The following METTL16 variants were observed in gnomAD, a reference collection of about 807,000 sequenced individuals.
METTL16 encodes the protein methyltransferase 16, RNA N6-adenosine, also known as RNA N(6)-adenosine-methyltransferase METTL16.
METTL16 carries 19 observed loss-of-function variants against 57.9 expected under a neutral mutation model. That is an observed-to-expected ratio of 0.33 (90% CI 0.23 to 0.48). METTL16 has a LOEUF of 0.48. Among genes scored for constraint, METTL16 ranks in the 20% least tolerant of loss-of-function variants. The probability of loss-of-function intolerance (pLI) is 0.99; values close to 1 mark genes in which losing one functional copy is unlikely to be tolerated. For missense variants in METTL16, 434 were observed against 691.5 expected (o/e 0.63, Z 4.18); for synonymous variants, 246 against 255.6 (o/e 0.96, Z 0.36).
intron 2 of METTL16, among the ~76,000 whole-genome samples, chr17:2,479,591 G>A (rs1160723549): frequency 1.3e-5 from 2 of 152,112 alleles, no homozygotes; most frequent in African/African-American, 4.8e-5. Context: ...TCCTCAAACA[G>A]CTTCTGGTCT....
chr17:2,437,187 T>C (rs1286410540), intron 8 of METTL16, among the ~76,000 whole-genome samples: 1 of 152,130 alleles, frequency 6.6e-6, no homozygotes, highest in Non-Finnish European at 1.5e-5. Flanking sequence ...TGGACACAAA[T>C]CATTTCTTTA....
chr17:2,451,872 G>A (rs564864777), intron 6 of METTL16, among the ~76,000 whole-genome samples: 16 of 152,070 alleles, frequency 1.1e-4, no homozygotes, highest in African/African-American at 2.2e-4. Flanking sequence ...CTGGCTTGGC[G>A]TGGTGGCTCA....
intron 4 of METTL16, among the ~76,000 whole-genome samples, chr17:2,470,378 C>G (rs2067227797): frequency 6.6e-6 from 1 of 152,134 alleles, no homozygotes; most frequent in Non-Finnish European, 1.5e-5. Flanking sequence ...AGTCCGGAAG[C>G]TGGAGTAAGA....
chr17:2,457,559 T>G (rs761766063), intron 6 of METTL16, among the ~76,000 whole-genome samples: 49 of 151,428 alleles, frequency 3.2e-4, no homozygotes, highest in Non-Finnish European at 6.0e-4. Context: ...AATACAAAAA[T>G]TAGCCAGGCA....
intron 8 of METTL16, among the ~76,000 whole-genome samples, chr17:2,426,210 C>A (rs1224562242): frequency 2.0e-5 from 3 of 152,006 alleles, no homozygotes; most frequent in African/African-American, 7.2e-5. Flanking sequence ...AGAGAGGAGA[C>A]CCCAGTGCAG....
intron 8 of METTL16, among the ~76,000 whole-genome samples, chr17:2,428,517 G>A (rs577215087): frequency 1.5e-3 from 138 of 94,802 alleles, no homozygotes; most frequent in African/African-American, 5.3e-3. Context: ...GACAGAGCGA[G>A]ACTCCGTCTC....
intron 3 of METTL16, among the ~76,000 whole-genome samples, chr17:2,475,765 G>A (rs2067264966): frequency 1.3e-5 from 2 of 152,206 alleles, no homozygotes; most frequent in South Asian, 4.1e-4. Flanking sequence ...CAAACTGATG[G>A]AGTCTGGGGG....
intron 2 of METTL16, among the ~76,000 whole-genome samples, chr17:2,488,759 C>G (rs189329152): frequency 7.9e-4 from 120 of 152,232 alleles, no homozygotes; most frequent in African/African-American, 2.7e-3. Context: ...TGCACAACAA[C>G]AAGCACAGGG....
intron 6 of METTL16, 83 bp downstream of exon 6, chr17:2,464,125 G>A (rs1055391247): frequency 1.6e-5 from 22 of 1,411,232 alleles, no homozygotes; most frequent in South Asian, 8.5e-5. Context: ...TCTGTCCCCC[G>A]CCACCAAAAA....
Position 2,497,818 on chromosome 17 carries a change from C to T in METTL16, c.128+4386G>A, listed in dbSNP as rs553777188. Among the ~76,000 whole-genome samples the T allele has an allele frequency of 2.9e-3, 438 of 151,522 alleles. 22 individuals carry two copies. The highest frequency in any genetic ancestry group is 9.7e-3 in the African/African-American group (397 of 40,946). On this transcript the variant is annotated intron_variant, in intron 2 of 9. Coordinates refer to ENST00000263092, the MANE Select transcript of METTL16 (RefSeq NM_024086.4). Reference sequence around the variant, plus strand: ...CATGGTTCACTGCAGCCTTGACCCCCTGGGCTCAAGCAGTCCTCCTGCCTC... The same window carrying T: ...CATGGTTCACTGCAGCCTTGACCCCTTGGGCTCAAGCAGTCCTCCTGCCTC...
rs891241630 is a variant in METTL16 at position 2,444,295 on chromosome 17, C to T, written c.729-2736G>A. ...TGAAACCCTGCCTCTGCTAAAAATA[C>T]AAAAATTAGCCAGATGTGGTGGTGG... is the stretch of plus-strand genomic sequence containing the variant. On this transcript the variant is annotated intron_variant, in intron 6 of 9. Transcript: ENST00000263092. Among the ~76,000 whole-genome samples the T allele has an allele frequency of 7.2e-5, 11 of 151,874 alleles. No homozygotes were observed. In the East Asian group the frequency reaches 7.8e-4, roughly 11 times the overall value.
chr17:2,432,657 T>C (rs1458301720), intron 8 of METTL16, among the ~76,000 whole-genome samples: 1 of 152,044 alleles, frequency 6.6e-6, no homozygotes, highest in African/African-American at 2.4e-5. Flanking sequence ...AAAAAAAAAC[T>C]TGCAACTTCC....
chr17:2,448,802 T>TAAAAAAAA (rs71150866), intron 6 of METTL16, among the ~76,000 whole-genome samples: 9 of 43,606 alleles, frequency 2.1e-4, no homozygotes, highest in Admixed American at 2.4e-4. Context: ...AAATAAAATT[T>TAAAAAAAA]AAAAAAAAAA....
rs559479344 is a variant in METTL16 at position 2,461,372 on chromosome 17, C to CA, written c.728+2835dup. On this transcript the variant is annotated intron_variant, in intron 6 of 9. Transcript: ENST00000263092. ...AGAGTGAGACTCTGTCTCAAAAAAA[C>CA]AAAAAACAAACAAACAAACAAAAAC... Among the ~76,000 whole-genome samples, 428 of 151,622 alleles carry CA rather than the reference C, an allele frequency of 2.8e-3. 5 individuals carry two copies. Among genetic ancestry groups the CA allele is most frequent in the African/African-American group, 9.1e-3 (378 of 41,394 alleles).
At position 2,463,514 on chromosome 17, in the gene METTL16, C is replaced by A. The variant is rs143065713; in HGVS notation, c.728+694G>T. Among the ~76,000 whole-genome samples, 3 of 152,058 alleles carry A rather than the reference C, an allele frequency of 2.0e-5. No homozygotes were observed. In the South Asian group the frequency reaches 6.2e-4, roughly 32 times the overall value. The stretch of plus-strand genomic sequence containing the variant: ...TCTTACTCTCTCACCCAGGCTGGAG[C>A]GCAGTGGCATGATCTCGGCTCACTG... On this transcript the variant is annotated intron_variant, in intron 6 of 9. Transcript: ENST00000263092.
In METTL16 at chr17:2,418,118, G is replaced by T. The variant is rs1181763993; in HGVS notation, c.*1852C>A. The T allele has an allele frequency of 1.3e-5, 2 of 151,240 alleles. No homozygotes were observed. Among genetic ancestry groups the T allele is most frequent in the Non-Finnish European group, 2.9e-5 (2 of 67,884 alleles). 9.4% of individuals were successfully genotyped at this position (151,240 alleles called of 1,614,324 possible). The stretch of plus-strand genomic sequence containing the variant: ...ACATGAATGCTTGGACTAGAATAAT[G>T]ATTCTTAATCCTTAGTGGGTTATTG... On this transcript the variant is annotated 3_prime_UTR_variant, in exon 10 of 10. Coordinates refer to ENST00000263092, the MANE Select transcript of METTL16 (RefSeq NM_024086.4).
chr17:2,465,546 C>CA (rs547864019), intron 5 of METTL16, among the ~76,000 whole-genome samples: 3,915 of 24,334 alleles, frequency 0.16, 693 homozygotes, highest in African/African-American at 0.34. Flanking sequence ...GACTCCATCT[C>CA]AAAAAAAAAA....
At position 2,477,669 on chromosome 17, in the gene METTL16, A is replaced by T. The variant is rs1204538336; in HGVS notation, c.328+17T>A. ...TATGAAAACTGTTTAGCCAAAAAAGAATTTAAAATGATATACCTATGTCAA... is the reference window on the plus strand; with the variant it reads ...TATGAAAACTGTTTAGCCAAAAAAGTATTTAAAATGATATACCTATGTCAA... On this transcript the variant is annotated intron_variant, in intron 3 of 9. Transcript: ENST00000263092. 7.6e-6 allele frequency: 12 copies of T among 1,589,358 alleles called. No individual in the cohort carries two copies. Among genetic ancestry groups the T allele is most frequent in the African/African-American group, 1.3e-5 (1 of 74,372 alleles).
At chr17:2,492,084 G>A (rs541896925) in intron 2 of METTL16, among the ~76,000 whole-genome samples, 34 of 151,070 alleles carry the variant, frequency 2.3e-4, no homozygotes, top group Middle Eastern at 3.4e-3. Flanking sequence ...GGTGGCGGGT[G>A]CCTGTAGTCC....
Sources: allele counts gnomAD v4.1 joint callset (sites outside exome capture counted in the v4.1 genomes callset), GRCh38; gene constraint gnomAD v4.1.1; transcripts MANE v1.5; gene names NCBI Gene and HGNC (gene_info 2026-07-23, HGNC 2026-07-21).